The following CHST9 variants were observed in gnomAD, a reference collection of about 807,000 sequenced individuals.
CHST9 encodes GalNAc-4-sulfotransferase 2.
CHST9 carries 41 observed loss-of-function variants against 44.4 expected under a neutral mutation model. The observed-to-expected ratio is 0.92, with a 90% CI of 0.72 to 1.20. The LOEUF (loss-of-function observed/expected upper bound fraction) is 1.20, where lower values mean the gene tolerates loss of function less well. Ranked by LOEUF, CHST9 falls within the 50% of genes most tolerant of loss-of-function variation. The pLI is 0.00. For missense variants in CHST9, 504 were observed against 516.5 expected (o/e 0.98, Z 0.23); for synonymous variants, 171 against 178.4 (o/e 0.96, Z 0.33).
Position 27,144,507 on chromosome 18 carries a change from TG to T in CHST9, c.-96-1603del, listed in dbSNP as rs534571018. Among the ~76,000 whole-genome samples, 20 of 152,180 alleles carry T rather than the reference TG, an allele frequency of 1.3e-4. No individual in the cohort carries two copies. The East Asian group carries it at 3.5e-3, about 27-fold the overall frequency. ...CAACCTGAGCAGCATGGTGAAACCC[TG>T]TCTCTACAAAAAATAAAATAGATTT... On this transcript the variant is annotated intron_variant, in intron 1 of 5. Coordinates refer to ENST00000618847, the MANE Select transcript of CHST9 (RefSeq NM_031422.6).
chr18:27,003,872 A>G (rs1366945630), intron 4 of CHST9, among the ~76,000 whole-genome samples: 1 of 152,092 alleles, frequency 6.6e-6, no homozygotes, highest in African/African-American at 2.4e-5. Flanking sequence ...ACTGTAATGT[A>G]AGAATGTGTT....
intron 1 of CHST9, among the ~76,000 whole-genome samples, chr18:27,154,047 A>G (rs2058680050): frequency 6.6e-6 from 1 of 152,146 alleles, no homozygotes; most frequent in Admixed American, 6.5e-5. Context: ...CTGGACCCCA[A>G]CTAGACCCAC....
chr18:26,930,893 T>C, intron 5 of CHST9: 1 of 130,870 alleles, frequency 7.6e-6, no homozygotes. Flanking sequence ...TTACTTCCTG[T>C]AGGCATAGCC....
intron 4 of CHST9, among the ~76,000 whole-genome samples, chr18:27,010,159 A>G (rs2057065530): frequency 6.6e-6 from 1 of 152,142 alleles, no homozygotes. Flanking sequence ...TTTTTTTCAT[A>G]TGAAGTAAAT....
intron 4 of CHST9, among the ~76,000 whole-genome samples, chr18:26,976,628 G>T (rs1338876968): frequency 6.6e-6 from 1 of 152,156 alleles, no homozygotes; most frequent in Non-Finnish European, 1.5e-5. Context: ...CATGGAGAGA[G>T]ACTAAGTCTC....
intron 2 of CHST9, among the ~76,000 whole-genome samples, chr18:27,066,101 A>T (rs1320206401): frequency 1.3e-5 from 2 of 152,262 alleles, no homozygotes; most frequent in Non-Finnish European, 2.9e-5. Flanking sequence ...ATCTTAAAAA[A>T]TGGGTACCTC....
intron 4 of CHST9, among the ~76,000 whole-genome samples, chr18:27,007,698 A>G (rs1484064145): frequency 6.6e-6 from 1 of 152,190 alleles, no homozygotes; most frequent in Non-Finnish European, 1.5e-5. Flanking sequence ...TAAGATTAGG[A>G]CAGGTCATGT....
chr18:27,056,644 C>T (rs1372736564), intron 2 of CHST9, among the ~76,000 whole-genome samples: 1 of 152,254 alleles, frequency 6.6e-6, no homozygotes, highest in African/African-American at 2.4e-5. Context: ...ATGCTCTCAC[C>T]TTGGTGCCTG....
In CHST9 at chr18:26,917,273, C is replaced by T. The variant is rs2055552522; in HGVS notation, c.318G>A (p.Arg106=). ...GTGAATGACTGGTCTTTGTTAAGAG[C>T]CTAGTAGATCTCTCAGAATTGAGTA... is the stretch of plus-strand genomic sequence containing the variant. ...NLLLNSERST[R]LLTKTSHSQG... The change falls in exon 6 of 6, where the codon AGG becomes AGA. Residue 106 remains arginine (R), a synonymous_variant. Coordinates refer to ENST00000618847, the MANE Select transcript of CHST9 (RefSeq NM_031422.6). 2.5e-6 allele frequency: 4 copies of T among 1,613,698 alleles called. No individual in the cohort carries two copies. Among genetic ancestry groups the T allele is most frequent in the Non-Finnish European group, 1.7e-6 (2 of 1,179,764 alleles).
At chr18:27,125,798 T>C (rs1327610281) in intron 2 of CHST9, among the ~76,000 whole-genome samples, 1 of 152,200 alleles carries the variant, frequency 6.6e-6, no homozygotes, top group African/African-American at 2.4e-5. Context: ...ATATTCTTTT[T>C]TGTTGGCTTT....
intron 4 of CHST9, among the ~76,000 whole-genome samples, chr18:26,946,486 C>G (rs1180049368): frequency 1.3e-5 from 2 of 152,136 alleles, no homozygotes; most frequent in Non-Finnish European, 2.9e-5. Flanking sequence ...GCAAAGAAGT[C>G]AGGTAGACCA....
intron 3 of CHST9, among the ~76,000 whole-genome samples, chr18:27,042,721 T>C (rs1446450485): frequency 6.6e-6 from 1 of 152,068 alleles, no homozygotes; most frequent in African/African-American, 2.4e-5. Flanking sequence ...AGTGGTTCAA[T>C]AAACATCAGT....
chr18:26,994,797 C>T (rs778862063), intron 4 of CHST9, among the ~76,000 whole-genome samples: 28 of 152,070 alleles, frequency 1.8e-4, no homozygotes, highest in Non-Finnish European at 4.0e-4. Context: ...CCACGTTGCC[C>T]AGGCTGGTAT....
At chr18:27,174,988 C>T (rs1248839346) in intron 1 of CHST9, among the ~76,000 whole-genome samples, 1 of 151,968 alleles carries the variant, frequency 6.6e-6, no homozygotes, top group Non-Finnish European at 1.5e-5. Context: ...AGTGCTAACC[C>T]AACTCAGTTT....
chr18:27,123,614 A>T (rs2058394315), intron 2 of CHST9, among the ~76,000 whole-genome samples: 1 of 152,200 alleles, frequency 6.6e-6, no homozygotes, highest in Non-Finnish European at 1.5e-5. Flanking sequence ...ATCAGAGAAG[A>T]TTTACTTATT....
At chr18:27,095,327 C>T (rs967047762) in intron 2 of CHST9, among the ~76,000 whole-genome samples, 4 of 151,938 alleles carry the variant, frequency 2.6e-5, no homozygotes, top group South Asian at 2.1e-4. Context: ...TTGATGCTAC[C>T]GTAAAGACAC....
chr18:26,993,909 G>A (rs2056854130), intron 4 of CHST9, among the ~76,000 whole-genome samples: 1 of 152,204 alleles, frequency 6.6e-6, no homozygotes, highest in Non-Finnish European at 1.5e-5. Flanking sequence ...AAGTCCAAGG[G>A]CAAGGTGCCG....
In CHST9 at chr18:26,913,938, G is replaced by T. The variant is rs1416480424; in HGVS notation, c.*2321C>A. The T allele has an allele frequency of 6.6e-6, 1 of 152,184 alleles. No individual in the cohort carries two copies. The highest frequency in any genetic ancestry group is 1.9e-4 in the East Asian group (1 of 5,196). The allele number at this position is 152,184 out of a possible 1,614,324, so 9.4% of individuals were successfully genotyped here. Reference sequence around the variant, plus strand: ...TGAAGAGCAGGTACATAAAAAGTTTGTTCTTACTTGGCAAAGACATGCATG... The same window carrying T: ...TGAAGAGCAGGTACATAAAAAGTTTTTTCTTACTTGGCAAAGACATGCATG... On this transcript the variant is annotated 3_prime_UTR_variant, in exon 6 of 6. Transcript: ENST00000618847.
chr18:27,067,898 G>A (rs906041420), intron 2 of CHST9, among the ~76,000 whole-genome samples: 1 of 152,086 alleles, frequency 6.6e-6, no homozygotes, highest in Non-Finnish European at 1.5e-5. Context: ...GGAAAACAAA[G>A]AAGTTATAAC....
Sources: allele counts gnomAD v4.1 joint callset (sites outside exome capture counted in the v4.1 genomes callset), GRCh38; gene constraint gnomAD v4.1.1; transcripts MANE v1.5; gene names NCBI Gene and HGNC (gene_info 2026-07-23, HGNC 2026-07-21).